The following ESCO2 variants were observed in gnomAD, a reference collection of about 807,000 sequenced individuals.
ESCO2 encodes the protein N-acetyltransferase ESCO2.
In ESCO2, 51 loss-of-function variants were observed where a neutral mutation model predicts 61.7. The observed-to-expected ratio is 0.83, with a 90% CI of 0.66 to 1.04. The LOEUF is 1.04. Among genes scored for constraint, ESCO2 ranks in the 50% least tolerant of loss-of-function variants. The pLI is 0.00. For missense variants in ESCO2, 692 were observed against 686.2 expected (o/e 1.01, Z -0.09); for synonymous variants, 230 against 238.2 (o/e 0.97, Z 0.32).
At chr8:27,799,468 A>T in intron 9 of ESCO2, 73 bp from the exon 10 acceptor site, 2 of 1,492,766 alleles carry the variant, frequency 1.3e-6, no homozygotes, top group Non-Finnish European at 1.9e-6. Context: ...ATACTTATTT[A>T]AGGAATTTTT....
At chr8:27,808,707 C>T (rs1285425754), downstream of ESCO2, among the ~76,000 whole-genome samples, 1 of 136,580 alleles carries the variant, frequency 7.3e-6, no homozygotes, top group East Asian at 2.7e-4. Context: ...AAAAAAAGCC[C>T]TCAGCCAAGT....
rs527840194 is a variant in ESCO2, at chr8:27,792,299, A to G, written c.1353+247A>G. Among the ~76,000 whole-genome samples, 2,917 of 152,272 alleles carry G rather than the reference A, an allele frequency of 0.019. 101 individuals carry two copies. The highest frequency in any genetic ancestry group is 0.066 in the African/African-American group (2,754 of 41,544). On this transcript the variant is annotated intron_variant, in intron 8 of 10. Coordinates refer to ENST00000305188, the MANE Select transcript of ESCO2 (RefSeq NM_001017420.3). ...AAGATAAACTAAGCTTTCAATGTTG[A>G]GAAATTAATGGCCCCCAGGGTCTAT...
At chr8:27,795,503 C>CTT (rs1317100257) in intron 9 of ESCO2, among the ~76,000 whole-genome samples, 1 of 152,114 alleles carries the variant, frequency 6.6e-6, no homozygotes, top group Non-Finnish European at 1.5e-5. Flanking sequence ...GAATGCCTTT[C>CTT]TTTTTTCTTC....
chr8:27,806,092 A>G (rs1805556743), downstream of ESCO2, among the ~76,000 whole-genome samples: 1 of 152,204 alleles, frequency 6.6e-6, no homozygotes, highest in Non-Finnish European at 1.5e-5. Flanking sequence ...GTTACCAAAA[A>G]TATTGCATGG....
chr8:27,788,919 G>T lies in ESCO2; in HGVS notation c.1204G>T (p.Glu402Ter). 1 of 1,614,078 alleles carries T rather than the reference G, an allele frequency of 6.2e-7. No individual in the cohort carries two copies. The highest frequency in any genetic ancestry group is 8.5e-7 in the Non-Finnish European group (1 of 1,180,004). ...TATGATATATACTGCTTCCAACCCTGAAGATGAAATGCAGCATGTACAGCA... is the reference window on the plus strand; with the variant it reads ...TATGATATATACTGCTTCCAACCCTTAAGATGAAATGCAGCATGTACAGCA... ...CGMIYTASNP[E>*]DEMQHVQHHH... The change falls in exon 7 of 11, where the codon GAA becomes TAA. Residue 402 changes from glutamate to a stop codon, truncating the protein, a stop_gained. Transcript: ENST00000305188. LOFTEE classifies it high-confidence loss of function.
At position 27,777,072 on chromosome 8, in the gene ESCO2, T is replaced by C. The variant is rs141631911; in HGVS notation, c.764T>C (p.Phe255Ser). The change falls in exon 3 of 11, where the codon TTT (phenylalanine) becomes TCT (serine). Residue 255 changes from phenylalanine (F) to serine (S), a missense_variant. Coordinates refer to ENST00000305188, the MANE Select transcript of ESCO2 (RefSeq NM_001017420.3). ...GAGACTGTCAGTGAAAAAAAAACTT[T>C]TGCGACAAGGCAAGTGCCAAAGTGC... ...DVETVSEKKT[F>S]ATRQVPKCLV... The C allele has an allele frequency of 2.0e-3, 3,195 of 1,605,628 alleles. 79 individuals carry two copies. The Admixed American group carries it at 0.04, about 20-fold the overall frequency.
At chr8:27,783,915 T>A in intron 4 of ESCO2, 85 bp from the exon 5 acceptor site, 1 of 1,224,716 alleles carries the variant, frequency 8.2e-7, no homozygotes, top group Non-Finnish European at 1.2e-6. Context: ...GAGTATTATT[T>A]TGTCTTATTA....
Position 27,788,085 on chromosome 8 carries a change from T to C in ESCO2, c.1131+83T>C, listed in dbSNP as rs1805088749. On this transcript the variant is annotated intron_variant, in intron 6 of 10. Coordinates refer to ENST00000305188, the MANE Select transcript of ESCO2 (RefSeq NM_001017420.3). ...ACCCCTGTATTAGACAGTTCAGAAC[T>C]TGGTATTTTCAATGTCATTAAGCAA... The C allele has an allele frequency of 8.4e-6, 8 of 953,134 alleles. No homozygotes were observed. The East Asian group carries it at 1.4e-4, about 17-fold the overall frequency. The allele number at this position is 953,134 out of a possible 1,614,324, so 59.0% of individuals were successfully genotyped here.
At chr8:27,773,762 A>G (rs1415336809), upstream of ESCO2, 1 of 152,220 alleles carries the variant, frequency 6.6e-6, no homozygotes, top group Non-Finnish European at 1.5e-5. Context: ...AATAAACATA[A>G]AACTCTAAAC....
intron 3 of ESCO2, chr8:27,777,628 C>G (rs536170567): frequency 6.5e-6 from 1 of 153,766 alleles, no homozygotes; most frequent in Non-Finnish European, 1.4e-5. Context: ...TCAATAGTTA[C>G]ATGTAGCTGG....
At chr8:27,795,851 G>T (rs1316977552) in intron 9 of ESCO2, among the ~76,000 whole-genome samples, 1 of 152,166 alleles carries the variant, frequency 6.6e-6, no homozygotes, top group Non-Finnish European at 1.5e-5. Flanking sequence ...ACTGGATCAT[G>T]GTGTACTATG....
chr8:27,784,181 G>T, intron 5 of ESCO2, 124 bp downstream of exon 5: 1 of 783,074 alleles, frequency 1.3e-6, no homozygotes. Flanking sequence ...AGGGGAATAG[G>T]AGAATAATAT....
rs769417701 is a variant in ESCO2 at position 27,775,492 on chromosome 8, CT to C, written c.-16-3del. The C allele has an allele frequency of 6.8e-6, 11 of 1,611,170 alleles. No individual in the cohort carries two copies. In the South Asian group the frequency reaches 1.1e-4, roughly 16 times the overall value. On this transcript the variant is annotated splice_polypyrimidine_tract_variant and splice_region_variant and intron_variant, in intron 1 of 10. Transcript: ENST00000305188. Reference sequence around the variant, plus strand: ...TTGATGAATGTGGTTATTGTCATTTCTTTTAGGAATTCAATAAAGAAAATGG... The same window carrying C: ...TTGATGAATGTGGTTATTGTCATTTCTTTAGGAATTCAATAAAGAAAATGG...
At position 27,787,952 on chromosome 8, in the gene ESCO2, A is replaced by C; in HGVS notation, c.1081A>C (p.Asn361His). 1.2e-6 allele frequency: 2 copies of C among 1,613,854 alleles called. No individual in the cohort carries two copies. The highest frequency in any genetic ancestry group is 1.7e-6 in the Non-Finnish European group (2 of 1,179,886). ...NFMKQTNIQK[N>H]TNTRDTSKKT... ...CATGAAACAGACCAATATCCAGAAA[A>C]ATACTAATACCAGAGATACAAGTAA... Residue 361 changes from asparagine (N) to histidine (H), a missense_variant, in exon 6 of 11, where the codon AAT becomes CAT. Transcript: ENST00000305188.
chr8:27,814,488 T>A (rs908722728), downstream of ESCO2, among the ~76,000 whole-genome samples: 4 of 152,138 alleles, frequency 2.6e-5, no homozygotes, highest in African/African-American at 9.6e-5. Context: ...TTGGCTTTGT[T>A]AATATTTTAT....
chr8:27,788,019 CA>C lies in ESCO2; in HGVS notation c.1131+20del, dbSNP rs1563474785. ...CTCATCATCGTGAGTAAATTCCAAA[CA>C]AAGCTTCTCCTATCTAGCCCTTTGC... On this transcript the variant is annotated intron_variant, in intron 6 of 10. Coordinates refer to ENST00000305188, the MANE Select transcript of ESCO2 (RefSeq NM_001017420.3). 1 of 1,569,240 alleles carries C rather than the reference CA, an allele frequency of 6.4e-7. No individual in the cohort carries two copies. Among genetic ancestry groups the C allele is most frequent in the South Asian group, 1.1e-5 (1 of 90,214 alleles).
intron 5 of ESCO2, among the ~76,000 whole-genome samples, chr8:27,786,717 C>G (rs894376793): frequency 2.0e-5 from 3 of 150,876 alleles, no homozygotes; most frequent in Non-Finnish European, 4.4e-5. Context: ...AGTTTGAAAA[C>G]TACTTTTCAG....
Position 27,779,796 on chromosome 8 carries a change from G to T in ESCO2, c.862-378G>T, listed in dbSNP as rs764543328. The T allele has an allele frequency of 1.4e-5, 3 of 208,596 alleles. No individual in the cohort carries two copies. The South Asian group carries it at 2.3e-4, about 16-fold the overall frequency. 12.9% of individuals were successfully genotyped at this position (208,596 alleles called of 1,614,324 possible). ...AGCAATTCTCCTGCCTCAGCCTCCC[G>T]AGTAGCTGGGACTGCAGGTGCCACC... On this transcript the variant is annotated intron_variant, in intron 3 of 10. Coordinates refer to ENST00000305188, the MANE Select transcript of ESCO2 (RefSeq NM_001017420.3).
downstream of ESCO2, among the ~76,000 whole-genome samples, chr8:27,805,888 C>A (rs569437706): frequency 6.6e-6 from 1 of 152,098 alleles, no homozygotes; most frequent in African/African-American, 2.4e-5. Context: ...CCACTTCAGC[C>A]TCCCAAAGTG....
Sources: allele counts gnomAD v4.1 joint callset (sites outside exome capture counted in the v4.1 genomes callset), GRCh38; gene constraint gnomAD v4.1.1; transcripts MANE v1.5; gene names NCBI Gene and HGNC (gene_info 2026-07-23, HGNC 2026-07-21).